COL21A1: variants seen among roughly 807,000 people sequenced by gnomAD.
COL21A1 encodes the protein collagen alpha-1(XXI) chain.
In COL21A1, 149 loss-of-function variants were observed where a neutral mutation model predicts 137.9. That is an observed-to-expected ratio of 1.08 (90% CI 0.95 to 1.24). COL21A1 has a LOEUF of 1.24. Among genes scored for constraint, COL21A1 ranks in the 50% most tolerant of loss-of-function variants. COL21A1 has a pLI of 0.00. For synonymous variants in COL21A1, 456 were observed against 391.5 expected, an observed-to-expected ratio of 1.16 and a Z score of -1.95; for missense variants, 1,167 against 1,158.4, an observed-to-expected ratio of 1.01 and a Z score of -0.11.
rs1475876699 is a variant in COL21A1 at position 56,098,648 on chromosome 6, AATATATAAAT to A, written c.1812+2814_1812+2823del. Among the ~76,000 whole-genome samples, 8 of 11,374 alleles carry A rather than the reference AATATATAAAT, an allele frequency of 7.0e-4. 1 individual carries two copies. Among genetic ancestry groups the A allele is most frequent in the African/African-American group, 2.4e-3 (5 of 2,054 alleles). 7.5% of individuals were successfully genotyped at this position (11,374 alleles called of 152,430 possible). ...ATAAATATATATATAAATATATATAAATATATAAATATATATAAATATATATATAAATATA... is the reference window on the plus strand; with the variant it reads ...ATAAATATATATATAAATATATATAAATATATAAATATATATATAAATATA... On this transcript the variant is annotated intron_variant, in intron 17 of 29. Transcript: ENST00000244728.
At chr6:56,292,399 C>CCG (rs1554179611) in intron 1 of COL21A1, among the ~76,000 whole-genome samples, 1 of 139,968 alleles carries the variant, frequency 7.1e-6, no homozygotes, top group Admixed American at 7.6e-5. Flanking sequence ...GGACCCCCCC[C>CCG]CTCCCCCGCC....
At chr6:56,069,172 C>A in intron 21 of COL21A1, 55 bp from the exon 22 acceptor site, 1 of 1,211,580 alleles carries the variant, frequency 8.3e-7, no homozygotes, top group Non-Finnish European at 1.2e-6. Context: ...ATGAAAAGCA[C>A]CACTGTTTTT....
intron 1 of COL21A1, among the ~76,000 whole-genome samples, chr6:56,188,443 C>A (rs1778441538): frequency 6.6e-6 from 1 of 152,140 alleles, no homozygotes; most frequent in Non-Finnish European, 1.5e-5. Flanking sequence ...TACTACTCAG[C>A]AGCTCTGGGC....
intron 1 of COL21A1, among the ~76,000 whole-genome samples, chr6:56,356,534 G>T (rs865968148): frequency 2.0e-5 from 3 of 152,166 alleles, no homozygotes; most frequent in African/African-American, 7.2e-5. Context: ...AATAATGACT[G>T]CCTTATGGAA....
intron 1 of COL21A1, among the ~76,000 whole-genome samples, chr6:56,214,524 GA>G (rs1176915622): frequency 1.3e-5 from 2 of 152,070 alleles, no homozygotes; most frequent in Non-Finnish European, 2.9e-5. Context: ...CAATGTTGGA[GA>G]AAGAACAGGG....
chr6:56,108,955 G>A (rs1313287252), intron 16 of COL21A1, among the ~76,000 whole-genome samples: 1 of 151,632 alleles, frequency 6.6e-6, no homozygotes, highest in African/African-American at 2.4e-5. Flanking sequence ...ACCCTAAAAA[G>A]ACTTTTAACT....
At chr6:56,270,049 A>C (rs1763486586) in intron 1 of COL21A1, among the ~76,000 whole-genome samples, 1 of 152,212 alleles carries the variant, frequency 6.6e-6, no homozygotes, top group South Asian at 2.1e-4. Context: ...CTAGCTAGCA[A>C]TACAATGACA....
At chr6:56,167,525 T>G (rs1178402063) in intron 6 of COL21A1, among the ~76,000 whole-genome samples, 1 of 152,230 alleles carries the variant, frequency 6.6e-6, no homozygotes, top group Admixed American at 6.5e-5. Context: ...AGACTCTTCC[T>G]TTAATAGAAA....
chr6:56,141,999 A>G lies in COL21A1; in HGVS notation c.1435-16T>C. Reference sequence around the variant, plus strand: ...CCTGATATCCCTAAAGAAAAATTTAAAAAGAAAAAAAATAATATTTCATCA... The same window carrying G: ...CCTGATATCCCTAAAGAAAAATTTAGAAAGAAAAAAAATAATATTTCATCA... On this transcript the variant is annotated splice_polypyrimidine_tract_variant and intron_variant, in intron 10 of 29. Coordinates refer to ENST00000244728, the MANE Select transcript of COL21A1 (RefSeq NM_030820.4). 1 of 1,480,336 alleles carries G rather than the reference A, an allele frequency of 6.8e-7. No homozygotes were observed. The allele number at this position is 1,480,336 out of a possible 1,614,324, so 91.7% of individuals were successfully genotyped here. A position where few individuals can be genotyped will look rare whatever the true frequency, so the allele number is the denominator to read the frequency against.
At chr6:56,337,916 C>T (rs955660591) in intron 1 of COL21A1, among the ~76,000 whole-genome samples, 1 of 151,594 alleles carries the variant, frequency 6.6e-6, no homozygotes, top group Non-Finnish European at 1.5e-5. Context: ...GCTTATGGCA[C>T]TCAAAGTGAG....
chr6:56,166,521 G>A (rs188355536), intron 7 of COL21A1, among the ~76,000 whole-genome samples: 11 of 152,130 alleles, frequency 7.2e-5, no homozygotes, highest in East Asian at 1.9e-4. Flanking sequence ...GTGTGGTGGC[G>A]GGCATCTGTA....
intron 1 of COL21A1, among the ~76,000 whole-genome samples, chr6:56,317,630 T>C (rs571334792): frequency 6.6e-6 from 1 of 152,284 alleles, no homozygotes; most frequent in South Asian, 2.1e-4. Context: ...GTCATACCAA[T>C]GGCATTGGTC....
At chr6:56,088,482 G>A (rs932530595) in intron 17 of COL21A1, among the ~76,000 whole-genome samples, 2 of 152,138 alleles carry the variant, frequency 1.3e-5, no homozygotes, top group African/African-American at 4.8e-5. Context: ...AAGGAATTTT[G>A]CAAAAAGTAC....
intron 1 of COL21A1, among the ~76,000 whole-genome samples, chr6:56,340,390 G>A (rs1193085229): frequency 2.5e-5 from 3 of 117,994 alleles, no homozygotes; most frequent in African/African-American, 9.4e-5. Flanking sequence ...GGCACACAGG[G>A]AGGAGGAGAC....
intron 9 of COL21A1, among the ~76,000 whole-genome samples, chr6:56,157,697 C>A (rs1475362175): frequency 1.3e-5 from 2 of 152,138 alleles, no homozygotes; most frequent in African/African-American, 4.8e-5. Flanking sequence ...AGTCTGTAGA[C>A]CATGTGATCT....
intron 1 of COL21A1, among the ~76,000 whole-genome samples, chr6:56,305,823 C>G (rs1352221102): frequency 4.6e-5 from 7 of 151,304 alleles, no homozygotes; most frequent in Admixed American, 1.3e-4. Flanking sequence ...CAGTTTCTTC[C>G]TAGCCTCGAT....
Position 56,200,134 on chromosome 6 carries a change from T to C in COL21A1, c.-38-17478A>G, listed in dbSNP as rs549658213. 3.3e-5 allele frequency among the ~76,000 whole-genome samples: 5 copies of C among 152,226 alleles called. No homozygotes were observed. The East Asian group carries it at 9.7e-4, about 29-fold the overall frequency. The stretch of plus-strand genomic sequence containing the variant: ...CCATTGATGGAGTAAGTTTGGTTTG[T>C]CCCAGGAACAGAAAGGTCAGTGAGT... On this transcript the variant is annotated intron_variant, in intron 1 of 29. Transcript: ENST00000244728.
At chr6:56,126,485 C>T (rs1371506354) in intron 12 of COL21A1, 2 of 213,174 alleles carry the variant, frequency 9.4e-6, no homozygotes, top group African/African-American at 4.7e-5. Flanking sequence ...CCAACACACT[C>T]AGGAAACAGT....
chr6:56,268,796 T>C (rs1347586236), intron 1 of COL21A1, among the ~76,000 whole-genome samples: 1 of 152,200 alleles, frequency 6.6e-6, no homozygotes, highest in Non-Finnish European at 1.5e-5. Flanking sequence ...AATGATATGA[T>C]AGACATAGAA....
Sources: allele counts gnomAD v4.1 joint callset (sites outside exome capture counted in the v4.1 genomes callset), GRCh38; gene constraint gnomAD v4.1.1; transcripts MANE v1.5; gene names NCBI Gene and HGNC (gene_info 2026-07-23, HGNC 2026-07-21).